The following SINHCAF variants were observed in gnomAD, a reference collection of about 807,000 sequenced individuals.
SINHCAF encodes SIN3-HDAC complex associated factor.
In SINHCAF, 3 loss-of-function variants were observed where a neutral mutation model predicts 25.8. The observed-to-expected ratio is 0.12, with a 90% confidence interval of 0.05 to 0.30. The LOEUF (loss-of-function observed/expected upper bound fraction) is 0.30, where lower values mean the gene tolerates loss of function less well. Among genes scored for constraint, SINHCAF ranks in the 10% least tolerant of loss-of-function variants. The pLI is 1.00. For missense variants in SINHCAF, 121 were observed against 262.3 expected, an observed-to-expected ratio of 0.46 and a Z score of 3.72; for synonymous variants, 70 against 85.5, an observed-to-expected ratio of 0.82 and a Z score of 1.00.
At chr12:31,308,298 G>C (rs897122860) in intron 1 of SINHCAF, among the ~76,000 whole-genome samples, 4 of 152,060 alleles carry the variant, frequency 2.6e-5, no homozygotes, top group Admixed American at 1.3e-4. Context: ...CCACATGATG[G>C]GATCAGGCTG....
intron 1 of SINHCAF, chr12:31,311,766 A>C (rs1336942825): frequency 2.0e-6 from 1 of 499,988 alleles, no homozygotes; most frequent in Admixed American, 2.6e-5. Flanking sequence ...TTTCTGGAGA[A>C]AGCCAGCCTA....
rs184874714 is a variant in SINHCAF at position 31,308,098 on chromosome 12, A to G, written c.-20-9874T>C. ...GGGACTACAGGCATTTTGCCACCACATCTGGCTAATTTTTGTATTTTTAGT... is the reference window on the plus strand; with the variant it reads ...GGGACTACAGGCATTTTGCCACCACGTCTGGCTAATTTTTGTATTTTTAGT... On this transcript the variant is annotated intron_variant, in intron 1 of 5. Coordinates refer to ENST00000337682, the MANE Select transcript of SINHCAF (RefSeq NM_001135812.2). Among the ~76,000 whole-genome samples, 410 of 152,226 alleles carry G rather than the reference A, an allele frequency of 2.7e-3. 1 individual carries two copies. Among genetic ancestry groups the G allele is most frequent in the African/African-American group, 9.2e-3 (384 of 41,530 alleles).
chr12:31,316,777 GAAA>G (rs1939510938), intron 1 of SINHCAF, among the ~76,000 whole-genome samples: 1 of 152,124 alleles, frequency 6.6e-6, no homozygotes, highest in South Asian at 2.1e-4. Context: ...GAAACAGAAT[GAAA>G]AATACTGAAA....
At chr12:31,316,279 C>G (rs1343744098) in intron 1 of SINHCAF, among the ~76,000 whole-genome samples, 3 of 151,638 alleles carry the variant, frequency 2.0e-5, no homozygotes, top group Non-Finnish European at 4.4e-5. Flanking sequence ...TCAGCAAAAG[C>G]AATTTAAAAA....
intron 4 of SINHCAF, 103 bp downstream of exon 4, chr12:31,293,702 A>G (rs1938430783): frequency 9.8e-7 from 1 of 1,022,620 alleles, no homozygotes; most frequent in Non-Finnish European, 1.4e-6. Flanking sequence ...TGCTCTTTAT[A>G]AAAAGCAATA....
Position 31,324,789 on chromosome 12 carries a change from C to T in SINHCAF, c.-21+1235G>A, listed in dbSNP as rs573366242. Reference sequence around the variant, plus strand: ...CCCCGAAGAGTCCGGAGCCTGGCCCCCCGACCCTCCCCTCGGGAGCAGGCC... The same window carrying T: ...CCCCGAAGAGTCCGGAGCCTGGCCCTCCGACCCTCCCCTCGGGAGCAGGCC... On this transcript the variant is annotated intron_variant, in intron 1 of 5. Transcript: ENST00000337682. The surrounding 1 kb of genome is among the most constrained non-coding windows in gnomAD (Gnocchi z 5.5). 2.8e-6 allele frequency: 1 copy of T among 361,022 alleles called. No individual in the cohort carries two copies. Among genetic ancestry groups the T allele is most frequent in the South Asian group, 2.0e-5 (1 of 49,410 alleles). The allele number at this position is 361,022 out of a possible 1,614,324, so 22.4% of individuals were successfully genotyped here.
chr12:31,290,235 C>T (rs1007212637), intron 4 of SINHCAF, among the ~76,000 whole-genome samples: 2 of 151,922 alleles, frequency 1.3e-5, no homozygotes, highest in African/African-American at 4.8e-5. Context: ...CTGCAGCCTC[C>T]AACCTCTTGG....
chr12:31,299,904 C>T lies in SINHCAF; in HGVS notation c.-20-1680G>A, dbSNP rs146883194. On this transcript the variant is annotated intron_variant, in intron 1 of 5. Transcript: ENST00000337682. ...GGCAACAAACTTATACAGCGTGTGA[C>T]GGTACTGAATGCCGTGGGCAACTGT... is the stretch of plus-strand genomic sequence containing the variant. 1.3e-3 allele frequency among the ~76,000 whole-genome samples: 204 copies of T among 152,268 alleles called. 1 individual carries two copies. Among genetic ancestry groups the T allele is most frequent in the African/African-American group, 4.6e-3 (190 of 41,548 alleles).
chr12:31,312,156 C>T, intron 1 of SINHCAF: 1 of 399,160 alleles, frequency 2.5e-6, no homozygotes, highest in Non-Finnish European at 4.8e-6. Flanking sequence ...TTAATTGGAA[C>T]TATACAGAAT....
chr12:31,307,864 T>C (rs1332513954), intron 1 of SINHCAF, among the ~76,000 whole-genome samples: 2 of 152,126 alleles, frequency 1.3e-5, no homozygotes, highest in African/African-American at 4.8e-5. Flanking sequence ...TGAGTCAACA[T>C]ACCAAATGTG....
At chr12:31,311,666 T>C in intron 1 of SINHCAF, 1 of 442,640 alleles carries the variant, frequency 2.3e-6, no homozygotes, top group Non-Finnish European at 4.4e-6. Flanking sequence ...CCAACTGAGC[T>C]TATAACAATA....
intron 1 of SINHCAF, among the ~76,000 whole-genome samples, chr12:31,310,231 G>A (rs960292960): frequency 6.6e-6 from 1 of 152,158 alleles, no homozygotes; most frequent in African/African-American, 2.4e-5. Flanking sequence ...CAAGGGATGG[G>A]TTTATTAGGT....
chr12:31,306,588 T>G (rs1158698390), intron 1 of SINHCAF, among the ~76,000 whole-genome samples: 2 of 152,210 alleles, frequency 1.3e-5, no homozygotes, highest in Non-Finnish European at 2.9e-5. Flanking sequence ...TGTTTAAGTC[T>G]CACAGTCATT....
chr12:31,325,198 C>T lies in SINHCAF; in HGVS notation c.-21+826G>A, dbSNP rs1295438045. The T allele has an allele frequency of 8.8e-6, 4 of 456,784 alleles. No individual in the cohort carries two copies. The highest frequency in any genetic ancestry group is 7.0e-5 in the Admixed American group (3 of 42,588). 28.3% of individuals were successfully genotyped at this position (456,784 alleles called of 1,614,324 possible). On this transcript the variant is annotated intron_variant, in intron 1 of 5. Transcript: ENST00000337682. The surrounding 1 kb of genome is among the most constrained non-coding windows in gnomAD (Gnocchi z 5.9). ...TAAACGGGAAGCCCTCGCGGTGTCG[C>T]CCACACCTACGCTACAGGTGAACGC...
At chr12:31,306,710 T>C (rs983778263) in intron 1 of SINHCAF, among the ~76,000 whole-genome samples, 7 of 152,176 alleles carry the variant, frequency 4.6e-5, no homozygotes, top group African/African-American at 1.4e-4. Flanking sequence ...ACCTTTATAA[T>C]TGCCAAAAGC....
intron 1 of SINHCAF, among the ~76,000 whole-genome samples, chr12:31,300,661 A>G (rs1354076529): frequency 6.6e-6 from 1 of 152,220 alleles, no homozygotes. Context: ...TTTGGAAAAA[A>G]CAATGTCAAA....
At chr12:31,306,651 A>C (rs1402165036) in intron 1 of SINHCAF, among the ~76,000 whole-genome samples, 1 of 152,188 alleles carries the variant, frequency 6.6e-6, no homozygotes, top group Non-Finnish European at 1.5e-5. Flanking sequence ...CTGCATCAGC[A>C]AAGTGATTAC....
chr12:31,303,853 A>G (rs1458318118), intron 1 of SINHCAF: 2 of 152,242 alleles, frequency 1.3e-5, no homozygotes, highest in African/African-American at 2.4e-5. Flanking sequence ...TAGGAAGCCA[A>G]TTAAATAGAT....
chr12:31,285,263 C>T (rs1202658350), intron 5 of SINHCAF, among the ~76,000 whole-genome samples: 2 of 151,904 alleles, frequency 1.3e-5, no homozygotes, highest in Non-Finnish European at 2.9e-5. Flanking sequence ...TGGTGCATGC[C>T]TGTAATCCCA....
Sources: gnomAD v4.1 joint callset for allele counts (sites outside exome capture counted in the v4.1 genomes callset) on GRCh38, gnomAD v4.1.1 for gene constraint, Gnocchi (gnomAD v3.1) non-coding constraint, MANE v1.5 for transcripts, NCBI Gene and HGNC (gene_info 2026-07-23, HGNC 2026-07-21) for gene names.